DPY19L2: variants seen among roughly 807,000 people sequenced by gnomAD.
DPY19L2 encodes probable C-mannosyltransferase DPY19L2.
Under a neutral mutation model 97.9 loss-of-function variants are expected in DPY19L2, and 34 were observed. The ratio of observed to expected loss-of-function variants is 0.35; its 90% CI spans 0.26 to 0.46. DPY19L2 has a LOEUF of 0.46. DPY19L2 is among the 20% of genes least tolerant of loss of function. The pLI is 1.00. For missense variants in DPY19L2, 623 were observed against 911.4 expected (o/e 0.68, Z 4.07); for synonymous variants, 230 against 307.9 (o/e 0.75, Z 2.65).
At chr12:63,629,073 C>A (rs1025052519) in intron 6 of DPY19L2, among the ~76,000 whole-genome samples, 3 of 152,026 alleles carry the variant, frequency 2.0e-5, no homozygotes, top group Admixed American at 6.6e-5. Flanking sequence ...TGTACGTCAC[C>A]ATCATCAAAG....
upstream of DPY19L2, chr12:63,668,698 T>C: frequency 2.9e-6 from 1 of 349,832 alleles, no homozygotes. Context: ...CCCCACACCC[T>C]CCCCAGCGCC....
In DPY19L2 at chr12:63,668,327, G is replaced by A. The variant is rs750122641; in HGVS notation, c.67C>T (p.Arg23Cys). 5 of 1,613,870 alleles carry A rather than the reference G, an allele frequency of 3.1e-6. No individual in the cohort carries two copies. The highest frequency in any genetic ancestry group is 4.5e-5 in the East Asian group (2 of 44,830). Residue 23 changes from arginine to cysteine, a missense_variant, in exon 1 of 22, where the codon CGC becomes TGC. Arg to Cys is a radical substitution (Grantham distance 180). Transcript: ENST00000324472. ...SSGRSQSKGRRGASLAREPEV... is the reference protein window; with the variant it reads ...SSGRSQSKGRCGASLAREPEV... ...GGCTCCCGGGCGAGGGAGGCCCCGC[G>A]CCGCCCCTTAGACTGGCTGCGGCCG...
chr12:63,604,579 G>A lies in DPY19L2; in HGVS notation c.1278+4037C>T, dbSNP rs551971760. 1.3e-5 allele frequency among the ~76,000 whole-genome samples: 2 copies of A among 151,906 alleles called. 1 individual carries two copies. The highest frequency in any genetic ancestry group is 4.2e-4 in the South Asian group (2 of 4,804). ...TAGATTGGGAGATTTCTATTGTTCT[G>A]TCTTCAAGAGCACCGATTGCTTCCT... On this transcript the variant is annotated intron_variant, in intron 12 of 21. Coordinates refer to ENST00000324472, the MANE Select transcript of DPY19L2 (RefSeq NM_173812.5).
At chr12:63,600,509 A>T (rs919636143) in intron 12 of DPY19L2, 123 bp from the exon 13 acceptor site, 27 of 777,622 alleles carry the variant, frequency 3.5e-5, no homozygotes, top group Middle Eastern at 7.9e-4. Context: ...TGAAGTTTTT[A>T]AAAAAAGTTC....
At chr12:63,570,375 A>G (rs1423199266) in intron 20 of DPY19L2, among the ~76,000 whole-genome samples, 2 of 152,178 alleles carry the variant, frequency 1.3e-5, no homozygotes, top group Admixed American at 6.5e-5. Context: ...TTCTTAAATC[A>G]GAGTGGGGCT....
intron 2 of DPY19L2, among the ~76,000 whole-genome samples, chr12:63,664,433 A>G (rs1376086780): frequency 2.0e-5 from 3 of 152,062 alleles, no homozygotes; most frequent in Admixed American, 2.0e-4. Flanking sequence ...TCCAAATCAG[A>G]ACAGAGGCAG....
At chr12:63,642,972 T>C (rs1304628128) in intron 6 of DPY19L2, among the ~76,000 whole-genome samples, 4 of 152,038 alleles carry the variant, frequency 2.6e-5, no homozygotes, top group Non-Finnish European at 1.5e-5. Flanking sequence ...AGCTGTCATA[T>C]GTATCTTTTG....
At chr12:63,630,163 G>A (rs982374079) in intron 6 of DPY19L2, among the ~76,000 whole-genome samples, 47 of 152,184 alleles carry the variant, frequency 3.1e-4, no homozygotes, top group Non-Finnish European at 6.0e-4. Flanking sequence ...ATCAACTAAC[G>A]AGCAAAATAA....
intron 11 of DPY19L2, 83 bp downstream of exon 11, chr12:63,617,221 T>G: frequency 1.3e-6 from 1 of 779,990 alleles, no homozygotes; most frequent in Non-Finnish European, 2.1e-6. Context: ...AAGGGCCTAT[T>G]TATTCTCTTA....
chr12:63,668,594 T>G (rs1896616528), upstream of DPY19L2: 1 of 596,268 alleles, frequency 1.7e-6, no homozygotes, highest in East Asian at 2.9e-5. Context: ...AGTCCCTGAG[T>G]GTCCCCTCAC....
At chr12:63,566,014 T>A (rs1412367178) in intron 21 of DPY19L2, among the ~76,000 whole-genome samples, 1 of 152,158 alleles carries the variant, frequency 6.6e-6, no homozygotes, top group Non-Finnish European at 1.5e-5. Flanking sequence ...GCTTTTCTAA[T>A]GTTTACTCAC....
At chr12:63,577,564 T>C (rs570239848) in intron 19 of DPY19L2, among the ~76,000 whole-genome samples, 3 of 150,588 alleles carry the variant, frequency 2.0e-5, no homozygotes, top group East Asian at 1.9e-4. Context: ...AACCAGAATA[T>C]ATAAGGAGCT....
chr12:63,657,019 C>T (rs1895055790), intron 4 of DPY19L2, among the ~76,000 whole-genome samples: 1 of 152,136 alleles, frequency 6.6e-6, no homozygotes, highest in Non-Finnish European at 1.5e-5. Context: ...TTTGGGTCTG[C>T]CTGATGACTG....
chr12:63,580,121 T>G (rs1880607818), intron 19 of DPY19L2, among the ~76,000 whole-genome samples: 1 of 151,806 alleles, frequency 6.6e-6, no homozygotes, highest in African/African-American at 2.4e-5. Flanking sequence ...AAAAGTAGGA[T>G]GTATACTATC....
rs377506106 is a variant in DPY19L2, at chr12:63,634,748, T to C, written c.804-8222A>G. On this transcript the variant is annotated intron_variant, in intron 6 of 21. Coordinates refer to ENST00000324472, the MANE Select transcript of DPY19L2 (RefSeq NM_173812.5). The stretch of plus-strand genomic sequence containing the variant: ...GAGGCTGGTGGAGGGGCGTCCACCA[T>C]TACTGAGGCTTGAGTAGGTAAACAA... 6.3e-3 allele frequency among the ~76,000 whole-genome samples: 963 copies of C among 152,138 alleles called. 7 individuals are homozygous for C. Among genetic ancestry groups the C allele is most frequent in the South Asian group, 0.031 (150 of 4,814 alleles).
At chr12:63,655,702 A>T (rs1161492822) in intron 4 of DPY19L2, among the ~76,000 whole-genome samples, 1 of 151,192 alleles carries the variant, frequency 6.6e-6, no homozygotes, top group Admixed American at 6.6e-5. Flanking sequence ...CAGCAGTTTA[A>T]GATAAGAGAG....
At chr12:63,568,975 A>T (rs1386127269) in intron 21 of DPY19L2, among the ~76,000 whole-genome samples, 2 of 152,026 alleles carry the variant, frequency 1.3e-5, no homozygotes, top group Non-Finnish European at 2.9e-5. Context: ...AATTATGAAA[A>T]AAGCTAAGTG....
intron 4 of DPY19L2, among the ~76,000 whole-genome samples, chr12:63,659,046 T>C (rs1449175674): frequency 6.6e-6 from 1 of 152,100 alleles, no homozygotes. Context: ...CCAGCTATCA[T>C]ATGTCAATTA....
intron 16 of DPY19L2, among the ~76,000 whole-genome samples, chr12:63,585,111 G>T (rs1881562274): frequency 6.6e-6 from 1 of 151,992 alleles, no homozygotes. Context: ...GCAGATAAGG[G>T]CAACTGCTGT....
Sources: gnomAD v4.1 joint callset for allele counts (sites outside exome capture counted in the v4.1 genomes callset) on GRCh38, gnomAD v4.1.1 for gene constraint, MANE v1.5 for transcripts, NCBI Gene and HGNC (gene_info 2026-07-23, HGNC 2026-07-21) for gene names.